Variants in INTS6 observed in about 807,000 individuals in gnomAD.
INTS6 encodes the protein integrator complex subunit 6.
Under a neutral mutation model 104.9 loss-of-function variants are expected in INTS6, and 16 were observed. That is an observed-to-expected ratio of 0.15 (90% CI 0.10 to 0.23). The LOEUF is 0.23. Ranked by LOEUF, INTS6 falls within the 10% of genes least tolerant of loss-of-function variation. The pLI is 1.00. For missense variants in INTS6, 584 were observed against 1,062.8 expected, an observed-to-expected ratio of 0.55 and a Z score of 6.26; for synonymous variants, 324 against 358.7, an observed-to-expected ratio of 0.90 and a Z score of 1.09.
Position 51,361,694 on chromosome 13 carries a change from A to G in INTS6, c.*4058T>C. 1 of 926,356 alleles carries G rather than the reference A, an allele frequency of 1.1e-6. No individual in the cohort carries two copies. The highest frequency in any genetic ancestry group is 1.6e-6 in the Non-Finnish European group (1 of 634,364). 57.4% of individuals were successfully genotyped at this position (926,356 alleles called of 1,614,324 possible). On this transcript the variant is annotated 3_prime_UTR_variant, in exon 18 of 18. Coordinates refer to ENST00000311234, the MANE Select transcript of INTS6 (RefSeq NM_012141.3). ...TGCACCCCCATCACAACAGTAAACA[A>G]TCAAATGCCATTAGGATGCTTTGAT...
the INTS6 span, chr13:51,347,197 G>A: frequency 6.2e-7 from 1 of 1,613,976 alleles, no homozygotes; most frequent in Non-Finnish European, 8.5e-7. Context: ...TCGTCCTTCA[G>A]GTCCCCATGA....
At chr13:51,376,425 TA>T (rs1415657097) in intron 12 of INTS6, among the ~76,000 whole-genome samples, 2 of 152,238 alleles carry the variant, frequency 1.3e-5, no homozygotes, top group East Asian at 3.8e-4. Context: ...ATATTCTGGA[TA>T]AAAGAAGTAA....
intron 4 of INTS6, among the ~76,000 whole-genome samples, chr13:51,420,401 A>T (rs1956875123): frequency 6.6e-6 from 1 of 151,938 alleles, no homozygotes; most frequent in African/African-American, 2.4e-5. Context: ...CGTTATTAGC[A>T]ATCAATGTTA....
intron 7 of INTS6, among the ~76,000 whole-genome samples, chr13:51,385,777 TTTA>T (rs1956131849): frequency 6.6e-6 from 1 of 152,186 alleles, no homozygotes; most frequent in South Asian, 2.1e-4. Flanking sequence ...TCCAATATTA[TTTA>T]TTATTCTCTC....
chr13:51,367,096 A>G (rs1280529440), intron 17 of INTS6, among the ~76,000 whole-genome samples: 1 of 152,022 alleles, frequency 6.6e-6, no homozygotes, highest in African/African-American at 2.4e-5. Context: ...AGTCCCTTGT[A>G]TAAAATGGCC....
At chr13:51,414,033 G>A (rs1425493597) in intron 4 of INTS6, among the ~76,000 whole-genome samples, 1 of 152,134 alleles carries the variant, frequency 6.6e-6, no homozygotes, top group Non-Finnish European at 1.5e-5. Context: ...AGCTAAGTGT[G>A]GCCAAATTCT....
chr13:51,451,024 C>A lies in INTS6; in HGVS notation c.339+1G>T. The A allele has an allele frequency of 6.6e-7, 1 of 1,505,304 alleles. No homozygotes were observed. The highest frequency in any genetic ancestry group is 8.9e-7 in the Non-Finnish European group (1 of 1,128,892). 93.2% of individuals were successfully genotyped at this position (1,505,304 alleles called of 1,614,324 possible). A position where few individuals can be genotyped will look rare whatever the true frequency, so the allele number is the denominator to read the frequency against. On this transcript the variant is annotated splice_donor_variant, in intron 3 of 17. Transcript: ENST00000311234. LOFTEE classifies it high-confidence loss of function. ...TTTTGCCACCTTATTATTCAACCTA[C>A]CTGCCCATAGTTGTCTATGCCAGTT... is the stretch of plus-strand genomic sequence containing the variant.
chr13:51,367,980 A>G (rs1035914832), intron 16 of INTS6, 82 bp from the exon 17 acceptor site: 4 of 679,290 alleles, frequency 5.9e-6, no homozygotes, highest in African/African-American at 1.9e-5. Flanking sequence ...GCAGTTTATG[A>G]TATTAAGATA....
chr13:51,451,162 C>A lies in INTS6; in HGVS notation c.202G>T (p.Glu68Ter). Residue 68 changes from glutamate (E) to a stop codon, truncating the protein, a stop_gained, in exon 3 of 18, where the codon GAA becomes TAA. Coordinates refer to ENST00000311234, the MANE Select transcript of INTS6 (RefSeq NM_012141.3). LOFTEE classifies it high-confidence loss of function. Reference sequence around the variant, plus strand: ...TCATTCATAAACGTTGCATGGTTTTCTTTCCATCCAGCCTGAAAAGAAAAA... The same window carrying A: ...TCATTCATAAACGTTGCATGGTTTTATTTCCATCCAGCCTGAAAAGAAAAA... ...PPYAIKAGWK[E>*]NHATFMNELK... The A allele has an allele frequency of 6.4e-7, 1 of 1,555,494 alleles. No homozygotes were observed. The highest frequency in any genetic ancestry group is 2.2e-5 in the Admixed American group (1 of 46,360).
At chr13:51,342,178 C>CAAAAAAAAAAAAAAA in the INTS6 span, among the ~76,000 whole-genome samples, 4 of 63,558 alleles carry the variant, frequency 6.3e-5, no homozygotes, top group Middle Eastern at 9.3e-3. Context: ...AAAGACAGAA[C>CAAAAAAAAAAAAAAA]AAAAAAAAAA....
intron 4 of INTS6, among the ~76,000 whole-genome samples, chr13:51,415,895 AC>A (rs1956779127): frequency 6.6e-6 from 1 of 152,210 alleles, no homozygotes; most frequent in African/African-American, 2.4e-5. Context: ...TAAACCAGTA[AC>A]ACTCAGGGAC....
At chr13:51,391,816 T>C (rs1034544261) in intron 5 of INTS6, among the ~76,000 whole-genome samples, 8 of 152,196 alleles carry the variant, frequency 5.3e-5, no homozygotes, top group African/African-American at 1.7e-4. Flanking sequence ...ATGTATTTAA[T>C]CTAGAAATAT....
At chr13:51,371,043 C>T (rs1955792811) in intron 15 of INTS6, among the ~76,000 whole-genome samples, 1 of 152,188 alleles carries the variant, frequency 6.6e-6, no homozygotes, top group South Asian at 2.1e-4. Flanking sequence ...TTGGTTCTTA[C>T]TACTACTCGA....
intron 4 of INTS6, among the ~76,000 whole-genome samples, chr13:51,428,600 A>G (rs1352955767): frequency 1.3e-5 from 2 of 152,102 alleles, no homozygotes; most frequent in African/African-American, 4.8e-5. Flanking sequence ...CTGAGATTAC[A>G]GGTGTGAACC....
Position 51,390,511 on chromosome 13 carries a change from G to A in INTS6, c.614-1067C>T, listed in dbSNP as rs538478258. On this transcript the variant is annotated intron_variant, in intron 5 of 17. Transcript: ENST00000311234. ...CAGACCAACACTAAAAACCTTGACA[G>A]CTAAAACTCAATCTTTGGCCAAATA... Among the ~76,000 whole-genome samples the A allele has an allele frequency of 2.6e-3, 395 of 152,022 alleles. 2 individuals carry two copies. The highest frequency in any genetic ancestry group is 0.024 in the Middle Eastern group (7 of 294).
chr13:51,417,663 G>A (rs1948723937), intron 4 of INTS6, among the ~76,000 whole-genome samples: 1 of 151,918 alleles, frequency 6.6e-6, no homozygotes, highest in Non-Finnish European at 1.5e-5. Context: ...CACCGGGTTG[G>A]CCAGGCTGGT....
chr13:51,406,256 A>C (rs868079199), intron 4 of INTS6, among the ~76,000 whole-genome samples: 3 of 152,198 alleles, frequency 2.0e-5, no homozygotes, highest in Middle Eastern at 3.4e-3. Flanking sequence ...TTGAGCCTCT[A>C]TCTCTCTCTG....
intron 3 of INTS6, 29 bp from the exon 4 acceptor site, chr13:51,430,412 A>G: frequency 3.2e-6 from 5 of 1,560,174 alleles, no homozygotes; most frequent in African/African-American, 1.4e-5. Flanking sequence ...TTGATCATAC[A>G]AAGATTTAGA....
At chr13:51,435,356 T>C (rs184412309) in intron 3 of INTS6, among the ~76,000 whole-genome samples, 2 of 152,010 alleles carry the variant, frequency 1.3e-5, no homozygotes, top group Admixed American at 6.5e-5. Flanking sequence ...TAAAAATTTT[T>C]CATTTTAATT....
Sources: allele counts gnomAD v4.1 joint callset (sites outside exome capture counted in the v4.1 genomes callset), GRCh38; gene constraint gnomAD v4.1.1; transcripts MANE v1.5; gene names NCBI Gene and HGNC (gene_info 2026-07-23, HGNC 2026-07-21).